Variants in SH3RF3 observed in about 807,000 individuals in gnomAD.
SH3RF3 encodes SH3 domain containing ring finger 3, also known as E3 ubiquitin-protein ligase SH3RF3.
In SH3RF3, 29 loss-of-function variants were observed where a neutral mutation model predicts 66.3. The ratio of observed to expected loss-of-function variants is 0.44; its 90% CI spans 0.33 to 0.60. The LOEUF (loss-of-function observed/expected upper bound fraction) is 0.60, where lower values mean the gene tolerates loss of function less well. SH3RF3 is among the 20% of genes least tolerant of loss of function. The pLI is 0.04. For missense variants in SH3RF3, 1,194 were observed against 1,190.9 expected (o/e 1.00, Z -0.04); for synonymous variants, 583 against 532.0 (o/e 1.10, Z -1.32).
rs765952849 is a variant in SH3RF3, at chr2:109,398,956, G to A, written c.1299+13G>A. Reference sequence around the variant, plus strand: ...TGCTCCCACCCAGGTAACATCCCGCGGGCCAGGGCAGGCATCCCTGGGTTC... The same window carrying A: ...TGCTCCCACCCAGGTAACATCCCGCAGGCCAGGGCAGGCATCCCTGGGTTC... On this transcript the variant is annotated intron_variant, in intron 4 of 9. Coordinates refer to ENST00000309415, the MANE Select transcript of SH3RF3 (RefSeq NM_001099289.3). The A allele has an allele frequency of 6.2e-6, 10 of 1,602,742 alleles. No homozygotes were observed. Among genetic ancestry groups the A allele is most frequent in the Middle Eastern group, 1.7e-4 (1 of 6,060 alleles).
chr2:109,267,374 C>A (rs1055042329), intron 1 of SH3RF3, among the ~76,000 whole-genome samples: 2 of 152,146 alleles, frequency 1.3e-5, no homozygotes, highest in African/African-American at 2.4e-5. Flanking sequence ...GATCACTGTG[C>A]GCTTTGTACA....
chr2:109,439,659 GCCAGTGTT>G (rs1441085831), intron 7 of SH3RF3, among the ~76,000 whole-genome samples: 1 of 152,052 alleles, frequency 6.6e-6, no homozygotes, highest in Non-Finnish European at 1.5e-5. Flanking sequence ...CCTGTAAAGT[GCCAGTGTT>G]CCTTGCACAC....
At chr2:109,200,893 T>C (rs1323711372) in intron 1 of SH3RF3, among the ~76,000 whole-genome samples, 1 of 152,212 alleles carries the variant, frequency 6.6e-6, no homozygotes. Context: ...TGCTGTTTCA[T>C]GTCACTCCTC....
chr2:109,415,052 A>G (rs989284064), intron 4 of SH3RF3, among the ~76,000 whole-genome samples: 7 of 152,144 alleles, frequency 4.6e-5, no homozygotes, highest in Non-Finnish European at 5.9e-5. Flanking sequence ...GGCGTGGTGG[A>G]AGCAGAGGCT....
chr2:109,435,975 G>A (rs1038329684), intron 6 of SH3RF3, among the ~76,000 whole-genome samples: 1 of 152,174 alleles, frequency 6.6e-6, no homozygotes, highest in Admixed American at 6.5e-5. Context: ...CCTCTCAGCT[G>A]CTGTGCAGAA....
rs184246398 is a variant in SH3RF3, at chr2:109,196,403, G to T, written c.573+66290G>T. ...TCCTTCTATCATTTAATCCCGTGGC[G>T]GGCAGCCTCCTGCTGTGGCATGGCT... On this transcript the variant is annotated intron_variant, in intron 1 of 9. Transcript: ENST00000309415. Among the ~76,000 whole-genome samples, 487 of 152,276 alleles carry T rather than the reference G, an allele frequency of 3.2e-3. 2 individuals are homozygous for T. The highest frequency in any genetic ancestry group is 6.6e-3 in the Admixed American group (101 of 15,306).
At chr2:109,234,405 C>T (rs1679594166) in intron 1 of SH3RF3, among the ~76,000 whole-genome samples, 2 of 152,208 alleles carry the variant, frequency 1.3e-5, no homozygotes, top group Non-Finnish European at 2.9e-5. Flanking sequence ...GGCAATTTCT[C>T]TAAATTTTTT....
intron 1 of SH3RF3, among the ~76,000 whole-genome samples, chr2:109,273,816 A>C (rs531148644): frequency 6.6e-6 from 1 of 152,270 alleles, no homozygotes; most frequent in East Asian, 1.9e-4. Context: ...GCTTGAGACC[A>C]GGCTCAGCAT....
intron 1 of SH3RF3, among the ~76,000 whole-genome samples, chr2:109,181,214 T>G (rs965328908): frequency 5.9e-5 from 9 of 152,130 alleles, no homozygotes; most frequent in Admixed American, 2.0e-4. Context: ...GATCTTAGGT[T>G]TATGGAAAAG....
At chr2:109,131,877 T>C (rs572948095) in intron 1 of SH3RF3, among the ~76,000 whole-genome samples, 2 of 152,336 alleles carry the variant, frequency 1.3e-5, no homozygotes, top group East Asian at 1.9e-4. Flanking sequence ...AGCACTTATT[T>C]AACTAATAAG....
intron 5 of SH3RF3, among the ~76,000 whole-genome samples, chr2:109,426,106 G>A (rs1029714410): frequency 2.4e-4 from 37 of 152,014 alleles, no homozygotes; most frequent in Non-Finnish European, 3.7e-4. Flanking sequence ...ACAGGTTTTC[G>A]CCATGTTGGC....
chr2:109,418,453 G>T (rs1018035710), intron 4 of SH3RF3, among the ~76,000 whole-genome samples: 3 of 152,104 alleles, frequency 2.0e-5, no homozygotes, highest in African/African-American at 7.2e-5. Flanking sequence ...CTGTTCCGGG[G>T]CTCCCTCCTG....
At chr2:109,367,080 G>A (rs1053213144) in intron 2 of SH3RF3, among the ~76,000 whole-genome samples, 13 of 150,718 alleles carry the variant, frequency 8.6e-5, no homozygotes, top group African/African-American at 2.7e-4. Flanking sequence ...ACCCTCCAGA[G>A]CAGCTAGGAT....
At chr2:109,298,851 A>G (rs777121624) in intron 1 of SH3RF3, among the ~76,000 whole-genome samples, 13 of 152,152 alleles carry the variant, frequency 8.5e-5, no homozygotes, top group African/African-American at 2.2e-4. Context: ...CCTAGCATCT[A>G]TTCTCAAACA....
At chr2:109,330,500 AG>A (rs1420740909) in intron 1 of SH3RF3, among the ~76,000 whole-genome samples, 32 of 152,164 alleles carry the variant, frequency 2.1e-4, no homozygotes, top group African/African-American at 7.5e-4. Context: ...AATGGGGGGC[AG>A]GGGGTGTCCC....
intron 1 of SH3RF3, among the ~76,000 whole-genome samples, chr2:109,135,873 A>G (rs1308160242): frequency 2.0e-5 from 3 of 152,190 alleles, no homozygotes; most frequent in Non-Finnish European, 4.4e-5. Flanking sequence ...CTTCATTAAA[A>G]GGGAAAAAAC....
At chr2:109,323,550 C>T (rs1239463589) in intron 1 of SH3RF3, among the ~76,000 whole-genome samples, 4 of 152,184 alleles carry the variant, frequency 2.6e-5, no homozygotes, top group Admixed American at 1.3e-4. Context: ...GTAGATGGGG[C>T]ATAAGTCTGA....
chr2:109,297,725 G>A (rs984765998), intron 1 of SH3RF3, among the ~76,000 whole-genome samples: 3 of 145,398 alleles, frequency 2.1e-5, no homozygotes, highest in East Asian at 2.0e-4. Context: ...AACTGGGTCC[G>A]TGCCTCCCAC....
chr2:109,486,762 T>G (rs1343724691), intron 8 of SH3RF3, among the ~76,000 whole-genome samples: 5 of 151,826 alleles, frequency 3.3e-5, no homozygotes, highest in Admixed American at 1.3e-4. Context: ...CTGAGGGCAC[T>G]GGGTGGTGGG....
Sources: gnomAD v4.1 joint callset for allele counts (sites outside exome capture counted in the v4.1 genomes callset) on GRCh38, gnomAD v4.1.1 for gene constraint, MANE v1.5 for transcripts, NCBI Gene and HGNC (gene_info 2026-07-23, HGNC 2026-07-21) for gene names.